Variants in ASAP1 observed in about 807,000 individuals in gnomAD.
ASAP1 encodes arf-GAP with SH3 domain, ANK repeat and PH domain-containing protein 1.
In ASAP1, 43 loss-of-function variants were observed where a neutral mutation model predicts 145.2. The ratio of observed to expected loss-of-function variants is 0.30; its 90% confidence interval spans 0.23 to 0.38. ASAP1 has a LOEUF of 0.38. ASAP1 is among the 10% of genes least tolerant of loss of function. The pLI is 1.00. For missense variants in ASAP1, 1,018 were observed against 1,355.3 expected (o/e 0.75, Z 3.91); for synonymous variants, 546 against 515.5 (o/e 1.06, Z -0.80).
chr8:130,154,550 A>G (rs1163074530), intron 12 of ASAP1, among the ~76,000 whole-genome samples: 3 of 152,204 alleles, frequency 2.0e-5, no homozygotes, highest in Non-Finnish European at 4.4e-5. Context: ...GTTGCTGTGG[A>G]AACAAATGAC....
At chr8:130,340,411 T>A (rs1024360593) in intron 3 of ASAP1, among the ~76,000 whole-genome samples, 10 of 152,194 alleles carry the variant, frequency 6.6e-5, no homozygotes, top group East Asian at 1.9e-4. Context: ...TAACTCACCC[T>A]GGGCAATAAT....
chr8:130,316,298 A>G (rs951247831), intron 3 of ASAP1, among the ~76,000 whole-genome samples: 2 of 152,182 alleles, frequency 1.3e-5, no homozygotes, highest in Admixed American at 1.3e-4. Flanking sequence ...CACTCTCAGC[A>G]GTTTTGGTAT....
intron 3 of ASAP1, among the ~76,000 whole-genome samples, chr8:130,263,820 A>C (rs753567896): frequency 7.9e-5 from 12 of 152,244 alleles, no homozygotes; most frequent in Non-Finnish European, 1.6e-4. Context: ...GGGACACTTT[A>C]CATCTGTTTT....
rs1221806012 is a variant in ASAP1 at position 130,236,939 on chromosome 8, A to G, written c.242T>C (p.Ile81Thr). 1.2e-6 allele frequency: 2 copies of G among 1,601,878 alleles called. No homozygotes were observed. Among genetic ancestry groups the G allele is most frequent in the African/African-American group, 1.3e-5 (1 of 74,712 alleles). ...LQKVKKSVKA[I>T]YNSGQDHVQN... ...GTGCTTACCTTGACCAGAATTATATATTGCTTTTACAGACTTCTTCACTTT... is the reference window on the plus strand; with the variant it reads ...GTGCTTACCTTGACCAGAATTATATGTTGCTTTTACAGACTTCTTCACTTT... The change falls in exon 4 of 30, where the codon ATA (isoleucine) becomes ACA (threonine). Residue 81 changes from isoleucine to threonine, a missense_variant. By Grantham distance (89) the Ile-to-Thr change is moderately conservative (BLOSUM62 -1). Coordinates refer to ENST00000518721, the MANE Select transcript of ASAP1 (RefSeq NM_018482.4).
chr8:130,121,869 C>T (rs16904206), intron 18 of ASAP1, among the ~76,000 whole-genome samples: 1,907 of 148,720 alleles, frequency 0.013, 45 homozygotes, highest in African/African-American at 0.044. Context: ...TTTAAAACCT[C>T]TCAATCACAC....
At chr8:130,217,588 A>G (rs1264318345) in intron 4 of ASAP1, among the ~76,000 whole-genome samples, 1 of 145,896 alleles carries the variant, frequency 6.9e-6, no homozygotes, top group Non-Finnish European at 1.5e-5. Flanking sequence ...AGACCGCAAG[A>G]GGCAGGGATT....
At chr8:130,407,032 T>G (rs1028199244) in intron 1 of ASAP1, among the ~76,000 whole-genome samples, 1 of 152,180 alleles carries the variant, frequency 6.6e-6, no homozygotes, top group Non-Finnish European at 1.5e-5. Context: ...GGAAAGTACC[T>G]ACCTCATGCA....
intron 27 of ASAP1, among the ~76,000 whole-genome samples, chr8:130,064,858 A>G (rs1051515790): frequency 3.3e-5 from 5 of 151,898 alleles, no homozygotes; most frequent in African/African-American, 1.2e-4. Flanking sequence ...CAGAACTCAA[A>G]GAAACACTTA....
chr8:130,189,782 G>T (rs1815011385), intron 5 of ASAP1, among the ~76,000 whole-genome samples: 1 of 152,158 alleles, frequency 6.6e-6, no homozygotes, highest in South Asian at 2.1e-4. Context: ...AACAGCGTAT[G>T]AGAGTTCCCC....
chr8:130,072,824 T>TGTGTGTGTGTGTGC, intron 27 of ASAP1, among the ~76,000 whole-genome samples: 2 of 32,314 alleles, frequency 6.2e-5, no homozygotes, highest in African/African-American at 1.2e-4. Flanking sequence ...TGTGTGTGTG[T>TGTGTGTGTGTGTGC]GCGCGCGGGG....
At chr8:130,118,301 G>A in intron 19 of ASAP1, 55 bp from the exon 20 acceptor site, 2 of 1,546,450 alleles carry the variant, frequency 1.3e-6, no homozygotes, top group South Asian at 2.3e-5. Context: ...GCCAAGGGAG[G>A]CTTCATATAT....
intron 2 of ASAP1, among the ~76,000 whole-genome samples, chr8:130,393,982 A>G (rs182943292): frequency 6.6e-6 from 1 of 152,286 alleles, no homozygotes; most frequent in Non-Finnish European, 1.5e-5. Context: ...CTTTACTTTA[A>G]TCTCTTAATC....
intron 3 of ASAP1, among the ~76,000 whole-genome samples, chr8:130,262,315 A>T (rs953609401): frequency 7.0e-6 from 1 of 142,218 alleles, no homozygotes; most frequent in African/African-American, 2.6e-5. Flanking sequence ...CAATAGCTTG[A>T]ACTCGGGGGA....
intron 5 of ASAP1, among the ~76,000 whole-genome samples, chr8:130,207,835 C>T (rs1490877615): frequency 7.9e-5 from 12 of 152,122 alleles, no homozygotes; most frequent in Non-Finnish European, 1.5e-5. Flanking sequence ...CTAATCATTC[C>T]TACTTTTATG....
chr8:130,079,172 G>C (rs1427396249), intron 26 of ASAP1, among the ~76,000 whole-genome samples: 2 of 152,196 alleles, frequency 1.3e-5, no homozygotes, highest in Non-Finnish European at 2.9e-5. Flanking sequence ...TCCAGTCTGG[G>C]TGACAGAGAA....
rs551077609 is a variant in ASAP1 at position 130,386,558 on chromosome 8, G to A, written c.59+15327C>T. The A allele has an allele frequency of 9.8e-5, 15 of 152,352 alleles. No homozygotes were observed. The East Asian group carries it at 2.7e-3, about 27-fold the overall frequency. The allele number at this position is 152,352 out of a possible 1,614,324, so 9.4% of individuals were successfully genotyped here. A position where few individuals can be genotyped will look rare whatever the true frequency, so the allele number is the denominator to read the frequency against. On this transcript the variant is annotated intron_variant, in intron 2 of 29. Transcript: ENST00000518721. Reference sequence around the variant, plus strand: ...CCCTGTAGATACACAATCGCCACGCGTCGCTTTACTGGTGAAAACTCCATT... The same window carrying A: ...CCCTGTAGATACACAATCGCCACGCATCGCTTTACTGGTGAAAACTCCATT...
At chr8:130,403,150 G>A (rs1304857338) in intron 1 of ASAP1, among the ~76,000 whole-genome samples, 1 of 151,682 alleles carries the variant, frequency 6.6e-6, no homozygotes, top group African/African-American at 2.4e-5. Flanking sequence ...TCTAAGATAA[G>A]GTCTTTGGAA....
intron 5 of ASAP1, among the ~76,000 whole-genome samples, chr8:130,205,651 T>C (rs1040512803): frequency 6.7e-6 from 1 of 149,106 alleles, no homozygotes; most frequent in Admixed American, 6.8e-5. Flanking sequence ...CTGACTCCAT[T>C]TGGTTGGTAA....
chr8:130,354,492 T>C (rs1310753605), intron 3 of ASAP1, among the ~76,000 whole-genome samples: 9 of 152,210 alleles, frequency 5.9e-5, no homozygotes, highest in Admixed American at 5.9e-4. Flanking sequence ...ACTCTCTCTC[T>C]GACAAAGGTA....
Sources: gnomAD v4.1 joint callset for allele counts (sites outside exome capture counted in the v4.1 genomes callset) on GRCh38, gnomAD v4.1.1 for gene constraint, MANE v1.5 for transcripts, NCBI Gene and HGNC (gene_info 2026-07-23, HGNC 2026-07-21) for gene names.